Variants in DHDH observed in about 807,000 individuals in gnomAD.
DHDH encodes the protein dihydrodiol dehydrogenase, also known as trans-1,2-dihydrobenzene-1,2-diol dehydrogenase.
In DHDH, 29 loss-of-function variants were observed where a neutral mutation model predicts 33.2. That is an observed-to-expected ratio of 0.87 (90% CI 0.65 to 1.19). The LOEUF (loss-of-function observed/expected upper bound fraction) is 1.19, where lower values mean the gene tolerates loss of function less well. DHDH is among the 50% of genes most tolerant of loss of function. The pLI is 0.00. For synonymous variants in DHDH, 201 were observed against 187.9 expected (o/e 1.07, Z -0.57); for missense variants, 431 against 455.0 (o/e 0.95, Z 0.48).
At chr19:48,938,748 C>G (rs911456242) in intron 3 of DHDH, among the ~76,000 whole-genome samples, 3 of 151,400 alleles carry the variant, frequency 2.0e-5, no homozygotes, top group African/African-American at 7.3e-5. Context: ...CGGGTTCAAG[C>G]AATTCTCCTG....
chr19:48,938,166 G>A (rs1454715533), intron 3 of DHDH, among the ~76,000 whole-genome samples: 3 of 151,712 alleles, frequency 2.0e-5, no homozygotes, highest in Non-Finnish European at 2.9e-5. Context: ...GCGTGATCTC[G>A]GCTCACTGCA....
chr19:48,934,616 T>C (rs1327716467), intron 1 of DHDH, among the ~76,000 whole-genome samples: 2 of 152,182 alleles, frequency 1.3e-5, no homozygotes, highest in African/African-American at 4.8e-5. Context: ...GAGATGTTTG[T>C]GTAAAGTGAA....
chr19:48,944,799 G>GT, intron 6 of DHDH, 25 bp from the exon 7 acceptor site: 1 of 1,599,034 alleles, frequency 6.3e-7, no homozygotes, highest in Non-Finnish European at 8.6e-7. Flanking sequence ...GGTAGGAGGG[G>GT]TCCCTAACTA....
intron 3 of DHDH, 115 bp downstream of exon 3, chr19:48,936,310 G>A: frequency 7.4e-7 from 1 of 1,348,944 alleles, no homozygotes; most frequent in South Asian, 1.6e-5. Context: ...AATCTCCTTG[G>A]CAGCATCTAT....
At chr19:48,935,133 G>C (rs1169075869) in intron 2 of DHDH, 22 bp downstream of exon 2, 1 of 1,519,686 alleles carries the variant, frequency 6.6e-7, no homozygotes, top group Non-Finnish European at 8.8e-7. Context: ...GGGCGATGGG[G>C]GTGCTGGCCG....
chr19:48,943,930 G>A (rs1343666792), intron 5 of DHDH, among the ~76,000 whole-genome samples: 2 of 152,050 alleles, frequency 1.3e-5, no homozygotes, highest in East Asian at 3.8e-4. Context: ...AGGAGGTGGA[G>A]GTTGCAGTGA....
Position 48,942,514 on chromosome 19 carries a change from G to T in DHDH, c.694G>T (p.Val232Leu), listed in dbSNP as rs368374944. 2 of 1,613,680 alleles carry T rather than the reference G, an allele frequency of 1.2e-6. No homozygotes were observed. The highest frequency in any genetic ancestry group is 1.3e-5 in the African/African-American group (1 of 74,918). The change falls in exon 5 of 7, where the codon GTG becomes TTG. Residue 232 changes from valine to leucine, a missense_variant. Coordinates refer to ENST00000221403, the MANE Select transcript of DHDH (RefSeq NM_014475.4). ...TGGCAGCTTCACCTGCAGCATCACC[G>T]TGCAGCTCTCCAACACGGCCTCCGT... ...VHGSFTCSIT[V>L]QLSNTASVSG...
At chr19:48,944,634 C>A in intron 6 of DHDH, 127 bp downstream of exon 6, 1 of 1,366,696 alleles carries the variant, frequency 7.3e-7, no homozygotes, top group Non-Finnish European at 1.0e-6. Flanking sequence ...CGAGATTGCA[C>A]CACTGCACTC....
At chr19:48,937,811 TAAA>T (rs539240060) in intron 3 of DHDH, among the ~76,000 whole-genome samples, 1 of 127,204 alleles carries the variant, frequency 7.9e-6, no homozygotes, top group Non-Finnish European at 1.7e-5. Flanking sequence ...AGACTGTCTT[TAAA>T]AAAAAAAAAA....
intron 5 of DHDH, 107 bp downstream of exon 5, chr19:48,942,671 T>A: frequency 6.8e-7 from 1 of 1,475,050 alleles, no homozygotes; most frequent in South Asian, 1.4e-5. Context: ...TTCACATCAT[T>A]GCTAAAGAGT....
At position 48,936,568 on chromosome 19, in the gene DHDH, C is replaced by T. The variant is rs56246092; in HGVS notation, c.366+373C>T. Among the ~76,000 whole-genome samples, 662 of 151,136 alleles carry T rather than the reference C, an allele frequency of 4.4e-3. 6 individuals carry two copies. Among genetic ancestry groups the T allele is most frequent in the African/African-American group, 0.015 (632 of 41,302 alleles). On this transcript the variant is annotated intron_variant, in intron 3 of 6. Coordinates refer to ENST00000221403, the MANE Select transcript of DHDH (RefSeq NM_014475.4). ...AAAATTAGCTGGGCGTGGTGGCGGG[C>T]GCCTGTAGTCCCAGCTACTTGGGAG...
chr19:48,933,004 G>A (rs2037724938), upstream of DHDH, among the ~76,000 whole-genome samples: 1 of 152,036 alleles, frequency 6.6e-6, no homozygotes, highest in Non-Finnish European at 1.5e-5. Flanking sequence ...GAAACCAGTC[G>A]GCCAGGCTCT....
In DHDH at chr19:48,939,524, C is replaced by T. The variant is rs112021846; in HGVS notation, c.442C>T (p.Arg148Trp). The change falls in exon 4 of 7, where the codon CGG becomes TGG. Residue 148 changes from arginine to tryptophan, a missense_variant. Arg to Trp is a moderately radical substitution (Grantham distance 101). Transcript: ENST00000221403. ...VLAQGTLGDL[R>W]VARAEFGKNL... ...GGCCCAGGGAACTCTAGGAGACCTC[C>T]GGGTGGCTCGGGCAGAATTTGGGAA... 7.0e-4 allele frequency: 1,134 copies of T among 1,614,070 alleles called. 14 individuals carry two copies. In the African/African-American group the frequency reaches 0.014, roughly 20 times the overall value.
At chr19:48,944,011 G>T (rs1309420943) in intron 5 of DHDH, among the ~76,000 whole-genome samples, 1 of 151,762 alleles carries the variant, frequency 6.6e-6, no homozygotes, top group Non-Finnish European at 1.5e-5. Context: ...AAGAAAGAAA[G>T]AAAGAAAGAA....
In DHDH at chr19:48,939,955, G is replaced by A. The variant is rs188804702; in HGVS notation, c.619+254G>A. On this transcript the variant is annotated intron_variant, in intron 4 of 6. Transcript: ENST00000221403. ...TTTACTGGTAAAGTGTCACTAATAG[G>A]GTTGTCATGGGAGTTAATGAAGTAA... is the stretch of plus-strand genomic sequence containing the variant. Among the ~76,000 whole-genome samples, 6 of 152,200 alleles carry A rather than the reference G, an allele frequency of 3.9e-5. No individual in the cohort carries two copies. The East Asian group carries it at 1.2e-3, about 29-fold the overall frequency.
Position 48,944,950 on chromosome 19 carries a change from T to C in DHDH, c.*17T>C, listed in dbSNP as rs371782540. Reference sequence around the variant, plus strand: ...AAACGCTGATGTATCCCCGAATAAATAAAGACATCTTACATCTTCGTGGTA... The same window carrying C: ...AAACGCTGATGTATCCCCGAATAAACAAAGACATCTTACATCTTCGTGGTA... On this transcript the variant is annotated 3_prime_UTR_variant, in exon 7 of 7. Coordinates refer to ENST00000221403, the MANE Select transcript of DHDH (RefSeq NM_014475.4). The C allele has an allele frequency of 1.4e-5, 22 of 1,606,348 alleles. No individual in the cohort carries two copies. The Admixed American group carries it at 3.5e-4, about 26-fold the overall frequency.
In DHDH at chr19:48,936,270, G is replaced by C. The variant is rs180752218; in HGVS notation, c.366+75G>C. Reference sequence around the variant, plus strand: ...TAAATATGGTTGCCAGTGCGCGGACGGGGTCAGTGCATTTGCCAGGATGTA... The same window carrying C: ...TAAATATGGTTGCCAGTGCGCGGACCGGGTCAGTGCATTTGCCAGGATGTA... On this transcript the variant is annotated intron_variant, in intron 3 of 6. Transcript: ENST00000221403. 3 of 1,465,922 alleles carry C rather than the reference G, an allele frequency of 2.0e-6. No homozygotes were observed. The African/African-American group carries it at 4.2e-5, about 20-fold the overall frequency. The allele number at this position is 1,465,922 out of a possible 1,614,324, so 90.8% of individuals were successfully genotyped here.
chr19:48,932,988 G>T (rs4802526), upstream of DHDH, among the ~76,000 whole-genome samples: 1 of 152,010 alleles, frequency 6.6e-6, no homozygotes, highest in Admixed American at 6.6e-5. Context: ...GGGCAAGGAG[G>T]GTTTTGAAAC....
chr19:48,935,226 A>T (rs960930472), intron 2 of DHDH, 115 bp downstream of exon 2: 8 of 754,468 alleles, frequency 1.1e-5, no homozygotes, highest in Non-Finnish European at 1.6e-5. Context: ...GGGTTCCATA[A>T]AGACCTTTGG....
Sources: allele counts gnomAD v4.1 joint callset (sites outside exome capture counted in the v4.1 genomes callset), GRCh38; gene constraint gnomAD v4.1.1; transcripts MANE v1.5; gene names NCBI Gene and HGNC (gene_info 2026-07-23, HGNC 2026-07-21).